FHIT: variants seen among roughly 807,000 people sequenced by gnomAD.
The protein encoded by FHIT is fragile histidine triad diadenosine triphosphatase, also known as bis(5'-adenosyl)-triphosphatase.
Under a neutral mutation model 17.9 loss-of-function variants are expected in FHIT, and 19 were observed. That is an observed-to-expected ratio of 1.06 (90% CI 0.74 to 1.56). The LOEUF is 1.56. FHIT is among the 40% of genes most tolerant of loss of function. FHIT has a pLI of 0.00. For missense variants in FHIT, 248 were observed against 189.2 expected (o/e 1.31, Z -1.82); for synonymous variants, 81 against 69.7 (o/e 1.16, Z -0.81).
intron 7 of FHIT, among the ~76,000 whole-genome samples, chr3:59,998,244 A>C (rs1201232925): frequency 6.6e-6 from 1 of 152,176 alleles, no homozygotes; most frequent in Non-Finnish European, 1.5e-5. Context: ...GAAGGGCTAC[A>C]GTGGCTAATG....
At chr3:61,052,814 G>C (rs1446920359) in intron 2 of FHIT, among the ~76,000 whole-genome samples, 4 of 152,046 alleles carry the variant, frequency 2.6e-5, no homozygotes, top group African/African-American at 4.8e-5. Flanking sequence ...TCCACCTATT[G>C]AGAGGCTGGT....
chr3:60,282,850 C>T (rs897077129), intron 5 of FHIT, among the ~76,000 whole-genome samples: 1 of 151,966 alleles, frequency 6.6e-6, no homozygotes, highest in Non-Finnish European at 1.5e-5. Flanking sequence ...ATCCAGAAAC[C>T]CCTATTTCAA....
intron 7 of FHIT, among the ~76,000 whole-genome samples, chr3:60,003,039 T>G (rs189595793): frequency 6.6e-6 from 1 of 152,174 alleles, no homozygotes; most frequent in Non-Finnish European, 1.5e-5. Flanking sequence ...GAGAATGAAT[T>G]ATAATAGTCA....
intron 3 of FHIT, among the ~76,000 whole-genome samples, chr3:60,897,737 C>A (rs1226699663): frequency 6.6e-6 from 1 of 152,096 alleles, no homozygotes; most frequent in Admixed American, 6.5e-5. Flanking sequence ...TTTTCCCTAA[C>A]CCCAGGTTTC....
intron 8 of FHIT, among the ~76,000 whole-genome samples, chr3:59,879,919 A>AC (rs1234624847): frequency 1.2e-3 from 99 of 83,054 alleles, no homozygotes; most frequent in African/African-American, 2.8e-3. Flanking sequence ...CATTTCCCCC[A>AC]CCCCCCCCCC....
intron 3 of FHIT, among the ~76,000 whole-genome samples, chr3:60,904,184 A>T (rs1409057054): frequency 6.6e-6 from 1 of 152,154 alleles, no homozygotes; most frequent in Non-Finnish European, 1.5e-5. Flanking sequence ...GATGACTTCT[A>T]TCTGCTGAGC....
At chr3:59,984,764 T>C (rs1307666641) in intron 7 of FHIT, among the ~76,000 whole-genome samples, 2 of 152,060 alleles carry the variant, frequency 1.3e-5, no homozygotes, top group African/African-American at 4.8e-5. Context: ...ATGATGGGCA[T>C]ACACTGAGGG....
intron 3 of FHIT, among the ~76,000 whole-genome samples, chr3:60,968,814 T>C (rs1709872227): frequency 6.6e-6 from 1 of 152,216 alleles, no homozygotes; most frequent in African/African-American, 2.4e-5. Context: ...TTTTTTCCCC[T>C]TATCTATTGA....
rs150348070 is a variant in FHIT, at chr3:59,987,978, C to T, written c.279+23393G>A. On this transcript the variant is annotated intron_variant, in intron 7 of 9. Coordinates refer to ENST00000492590, the MANE Select transcript of FHIT (RefSeq NM_002012.4). The stretch of plus-strand genomic sequence containing the variant: ...TAACCTGACCCACTACAGAAAAATG[C>T]CTCATGTAGATCCTTGAATGAATTT... Among the ~76,000 whole-genome samples, 62 of 152,134 alleles carry T rather than the reference C, an allele frequency of 4.1e-4. 1 individual carries two copies. The highest frequency in any genetic ancestry group is 1.3e-3 in the African/African-American group (55 of 41,528).
At chr3:60,842,523 T>C (rs1470164641) in intron 3 of FHIT, among the ~76,000 whole-genome samples, 1 of 150,594 alleles carries the variant, frequency 6.6e-6, no homozygotes, top group African/African-American at 2.4e-5. Flanking sequence ...TTTTTATATT[T>C]AAAACATCTT....
intron 2 of FHIT, among the ~76,000 whole-genome samples, chr3:61,064,348 T>C (rs969900213): frequency 1.7e-4 from 26 of 152,072 alleles, no homozygotes; most frequent in Admixed American, 1.6e-3. Context: ...TTTTGTGGCA[T>C]GAGGTAACAA....
intron 5 of FHIT, among the ~76,000 whole-genome samples, chr3:60,205,941 T>C (rs2107504458): frequency 6.6e-6 from 1 of 151,176 alleles, no homozygotes; most frequent in Non-Finnish European, 1.5e-5. Flanking sequence ...ACCCCGTCTC[T>C]ACTAAAAATA....
intron 4 of FHIT, among the ~76,000 whole-genome samples, chr3:60,574,820 G>A (rs782813956): frequency 9.9e-5 from 15 of 151,744 alleles, no homozygotes; most frequent in Non-Finnish European, 1.6e-4. Flanking sequence ...TAGTGCAGAC[G>A]ATCCCAGCCT....
At chr3:60,933,349 T>A (rs1163529239) in intron 3 of FHIT, among the ~76,000 whole-genome samples, 10 of 152,234 alleles carry the variant, frequency 6.6e-5, no homozygotes, top group Non-Finnish European at 1.2e-4. Flanking sequence ...TAGTGATATA[T>A]TTTAGTCCAA....
chr3:59,795,927 A>C (rs1699760795), intron 8 of FHIT, among the ~76,000 whole-genome samples: 1 of 152,044 alleles, frequency 6.6e-6, no homozygotes, highest in Non-Finnish European at 1.5e-5. Flanking sequence ...TGGAACACAC[A>C]ATGAACTTTT....
intron 4 of FHIT, among the ~76,000 whole-genome samples, chr3:60,699,663 C>T (rs1464291728): frequency 7.5e-6 from 1 of 133,408 alleles, no homozygotes; most frequent in African/African-American, 3.3e-5. Context: ...ACAATGTGCA[C>T]ATGTACCCTA....
At chr3:60,506,830 G>T (rs990888544) in intron 5 of FHIT, among the ~76,000 whole-genome samples, 1 of 151,778 alleles carries the variant, frequency 6.6e-6, no homozygotes, top group Non-Finnish European at 1.5e-5. Context: ...CTGACCTGCA[G>T]ATTTGTGAAC....
At chr3:60,270,206 C>T (rs1233871553) in intron 5 of FHIT, among the ~76,000 whole-genome samples, 1 of 152,128 alleles carries the variant, frequency 6.6e-6, no homozygotes, top group African/African-American at 2.4e-5. Flanking sequence ...CAGAAGGCAG[C>T]AAACAGAGAA....
At chr3:60,252,542 C>T (rs188475297) in intron 5 of FHIT, among the ~76,000 whole-genome samples, 175 of 151,066 alleles carry the variant, frequency 1.2e-3, no homozygotes, top group African/African-American at 3.9e-3. Context: ...CTAGCCTGGG[C>T]GACAGTGAAA....
Sources: allele counts gnomAD v4.1 joint callset (sites outside exome capture counted in the v4.1 genomes callset), GRCh38; gene constraint gnomAD v4.1.1; transcripts MANE v1.5; gene names NCBI Gene and HGNC (gene_info 2026-07-23, HGNC 2026-07-21).